Variants in UGT1A10 observed in about 807,000 individuals in gnomAD.
UGT1A10 encodes the protein UDP glucuronosyltransferase family 1 member A10.
UGT1A10 carries 49 observed loss-of-function variants against 45.8 expected under a neutral mutation model. The observed-to-expected ratio is 1.07, with a 90% confidence interval of 0.85 to 1.36. The LOEUF (loss-of-function observed/expected upper bound fraction) is 1.36, where lower values mean the gene tolerates loss of function less well. Among genes scored for constraint, UGT1A10 ranks in the 40% most tolerant of loss-of-function variants. The probability of loss-of-function intolerance (pLI) is 0.00; values close to 1 mark genes in which losing one functional copy is unlikely to be tolerated. For missense variants in UGT1A10, 745 were observed against 668.6 expected, an observed-to-expected ratio of 1.11 and a Z score of -1.26; for synonymous variants, 284 against 249.7, an observed-to-expected ratio of 1.14 and a Z score of -1.29.
At chr2:233,768,183 A>G (rs753962326) in intron 3 of UGT1A10, 37 bp from the exon 4 acceptor site, 1 of 1,614,004 alleles carries the variant, frequency 6.2e-7, no homozygotes, top group Non-Finnish European at 8.5e-7. Context: ...AAACTCAGAG[A>G]TGTAACTGCT....
intron 1 of UGT1A10, among the ~76,000 whole-genome samples, chr2:233,681,164 C>T (rs1048754023): frequency 4.0e-5 from 6 of 151,668 alleles, no homozygotes; most frequent in East Asian, 2.0e-4. Context: ...AGGAGGTCAA[C>T]GCTAAGACCC....
At chr2:233,772,069 T>A (rs2126064958) in intron 4 of UGT1A10, among the ~76,000 whole-genome samples, 193 bp from the exon 5 acceptor site, 1 of 152,274 alleles carries the variant, frequency 6.6e-6, no homozygotes, top group East Asian at 1.9e-4. Context: ...GCCATGCTTG[T>A]GCCACTACAC....
intron 1 of UGT1A10, among the ~76,000 whole-genome samples, chr2:233,758,268 G>A (rs1000936353): frequency 2.6e-5 from 4 of 152,178 alleles, no homozygotes; most frequent in Non-Finnish European, 5.9e-5. Flanking sequence ...AGTATTTCTT[G>A]GTCAAGGGCA....
rs1191601958 is a variant in UGT1A10, at chr2:233,739,349, G to A, written c.856-27685G>A. ...GCCACAGTCCTTCAGAACCCAGAAGGGCAGATCCAATAGCTTGCACTGTGT... is the reference window on the plus strand; with the variant it reads ...GCCACAGTCCTTCAGAACCCAGAAGAGCAGATCCAATAGCTTGCACTGTGT... On this transcript the variant is annotated intron_variant, in intron 1 of 4. Coordinates refer to ENST00000344644, the MANE Select transcript of UGT1A10 (RefSeq NM_019075.4). Among the ~76,000 whole-genome samples, 6 of 152,284 alleles carry A rather than the reference G, an allele frequency of 3.9e-5. No homozygotes were observed. In the East Asian group the frequency reaches 5.8e-4, roughly 15 times the overall value.
chr2:233,736,085 G>C (rs1296774053), intron 1 of UGT1A10, among the ~76,000 whole-genome samples: 1 of 152,146 alleles, frequency 6.6e-6, no homozygotes, highest in African/African-American at 2.4e-5. Flanking sequence ...AGTTCTCCTG[G>C]ATAATATCCT....
chr2:233,768,157 G>GGTGTGTCC lies in UGT1A10; in HGVS notation c.1076-63_1076-62insGTGTGTCC, dbSNP rs1279074414. 1.9e-6 allele frequency: 3 copies of GGTGTGTCC among 1,612,962 alleles called. No homozygotes were observed. The African/African-American group carries it at 4.0e-5, about 22-fold the overall frequency. On this transcript the variant is annotated intron_variant, in intron 3 of 4. Transcript: ENST00000344644. ...GTCTTTGGAGTGTTTTCAGAACCTA[G>GGTGTGTCC]ATGTGTCCAGCTGTGAAACTCAGAG...
chr2:233,654,001 C>G (rs2073797531), intron 1 of UGT1A10, among the ~76,000 whole-genome samples: 1 of 152,228 alleles, frequency 6.6e-6, no homozygotes, highest in Non-Finnish European at 1.5e-5. Flanking sequence ...TACACACTTA[C>G]TCTTGTGCTA....
chr2:233,702,946 A>C (rs1293262171), intron 1 of UGT1A10, among the ~76,000 whole-genome samples: 1 of 152,140 alleles, frequency 6.6e-6, no homozygotes, highest in African/African-American at 2.4e-5. Context: ...TGTGTTTGCT[A>C]TCTGAATATT....
intron 1 of UGT1A10, among the ~76,000 whole-genome samples, chr2:233,709,100 G>T (rs905561167): frequency 6.6e-6 from 1 of 152,072 alleles, no homozygotes; most frequent in African/African-American, 2.4e-5. Flanking sequence ...GAAGTCACAT[G>T]CCCATCTCTG....
intron 1 of UGT1A10, among the ~76,000 whole-genome samples, chr2:233,649,495 T>C (rs758679286): frequency 1.1e-4 from 17 of 152,262 alleles, no homozygotes; most frequent in Non-Finnish European, 1.5e-4. Context: ...GTTGAAATTA[T>C]ATATAAGCAT....
intron 1 of UGT1A10, among the ~76,000 whole-genome samples, chr2:233,639,137 G>C (rs28969688): frequency 0.011 from 1,744 of 152,092 alleles, 37 homozygotes; most frequent in African/African-American, 0.04. Context: ...CTGTGATAGA[G>C]GGATATCTAT....
intron 4 of UGT1A10, chr2:233,771,269 T>A (rs1318778151): frequency 6.6e-6 from 1 of 152,200 alleles, no homozygotes; most frequent in African/African-American, 2.4e-5. Flanking sequence ...CCTTTTTTTT[T>A]CTTTCTTCTC....
chr2:233,656,527 T>C (rs990418178), intron 1 of UGT1A10, among the ~76,000 whole-genome samples: 70 of 152,370 alleles, frequency 4.6e-4, no homozygotes, highest in African/African-American at 1.6e-3. Flanking sequence ...CTGTGGCAGT[T>C]GGAACATAGT....
chr2:233,756,052 G>C (rs1468615948), intron 1 of UGT1A10: 2 of 152,164 alleles, frequency 1.3e-5, no homozygotes, highest in Non-Finnish European at 2.9e-5. Flanking sequence ...AAACTCCACT[G>C]TACACTTGTG....
intron 1 of UGT1A10, among the ~76,000 whole-genome samples, chr2:233,643,789 T>G (rs1000715513): frequency 1.3e-5 from 2 of 152,094 alleles, no homozygotes; most frequent in African/African-American, 4.8e-5. Flanking sequence ...ACTGGGCCCT[T>G]TCTTTTAAGG....
At chr2:233,742,091 C>T (rs1449888416) in intron 1 of UGT1A10, 1 of 151,792 alleles carries the variant, frequency 6.6e-6, no homozygotes, top group Non-Finnish European at 1.5e-5. Context: ...TTTACATTTC[C>T]AGGACCCACT....
In UGT1A10 at chr2:233,769,534, G is replaced by C. The variant is rs752305202; in HGVS notation, c.1295+1095G>C. ...CTCCCATGGTTACCTCCTTTAGAAA[G>C]AAGCAGCAGTCAGGAAGACAGATGT... is the stretch of plus-strand genomic sequence containing the variant. On this transcript the variant is annotated intron_variant, in intron 4 of 4. Transcript: ENST00000344644. The surrounding 1 kb of genome is among the most constrained non-coding windows in gnomAD (Gnocchi z 4.4). 6.2e-7 allele frequency: 1 copy of C among 1,612,926 alleles called. No individual in the cohort carries two copies. Among genetic ancestry groups the C allele is most frequent in the South Asian group, 1.1e-5 (1 of 91,080 alleles).
chr2:233,651,556 A>G (rs990255650), intron 1 of UGT1A10, among the ~76,000 whole-genome samples: 1 of 152,260 alleles, frequency 6.6e-6, no homozygotes, highest in Non-Finnish European at 1.5e-5. Flanking sequence ...AGAGGAATTC[A>G]GATATCAAAG....
chr2:233,666,281 G>A (rs897189316), intron 1 of UGT1A10, among the ~76,000 whole-genome samples: 1 of 152,184 alleles, frequency 6.6e-6, no homozygotes, highest in Non-Finnish European at 1.5e-5. Context: ...AACACCTCCT[G>A]CTAAGCCCCA....
Sources: gnomAD v4.1 joint callset for allele counts (sites outside exome capture counted in the v4.1 genomes callset) on GRCh38, gnomAD v4.1.1 for gene constraint, Gnocchi (gnomAD v3.1) non-coding constraint, MANE v1.5 for transcripts, NCBI Gene and HGNC (gene_info 2026-07-23, HGNC 2026-07-21) for gene names.